HIP1: variants seen among roughly 807,000 people sequenced by gnomAD.
The protein encoded by HIP1 is huntingtin interacting protein 1, also known as huntingtin-interacting protein 1.
In HIP1, 65 loss-of-function variants were observed where a neutral mutation model predicts 147.6. The ratio of observed to expected loss-of-function variants is 0.44; its 90% CI spans 0.36 to 0.54. The LOEUF is 0.54. HIP1 is among the 20% of genes least tolerant of loss of function. HIP1 has a pLI of 0.00. For synonymous variants in HIP1, 479 were observed against 504.0 expected (o/e 0.95, Z 0.67); for missense variants, 1,061 against 1,299.6 (o/e 0.82, Z 2.82).
chr7:75,692,194 T>A (rs1800479878), intron 1 of HIP1, among the ~76,000 whole-genome samples: 1 of 152,126 alleles, frequency 6.6e-6, no homozygotes, highest in African/African-American at 2.4e-5. Flanking sequence ...CTCTTTTCCC[T>A]TCTGGCCAGT....
At chr7:75,595,251 T>TTCCTTCCTTCCTTCCTTCCTTCCTTC (rs1796675604) in intron 2 of HIP1, among the ~76,000 whole-genome samples, 2 of 59,528 alleles carry the variant, frequency 3.4e-5, no homozygotes, top group Non-Finnish European at 3.1e-5. Flanking sequence ...TTTCTTTCTT[T>TTCCTTCCTTCCTTCCTTCCTTCCTTC]CTTCCTTCCT....
At chr7:75,601,048 G>A (rs1474302011) in intron 1 of HIP1, among the ~76,000 whole-genome samples, 4 of 151,956 alleles carry the variant, frequency 2.6e-5, no homozygotes, top group Non-Finnish European at 5.9e-5. Flanking sequence ...ATGAGCCACT[G>A]TCCCCAGCCA....
In HIP1 at chr7:75,664,048, GTGTATATACA is replaced by G. The variant is rs1799437173; in HGVS notation, c.121-64811_121-64802del. Among the ~76,000 whole-genome samples, 2 of 24,046 alleles carry G rather than the reference GTGTATATACA, an allele frequency of 8.3e-5. 1 individual carries two copies. Among genetic ancestry groups the G allele is most frequent in the African/African-American group, 8.3e-4 (2 of 2,402 alleles). 15.8% of individuals were successfully genotyped at this position (24,046 alleles called of 152,430 possible). On this transcript the variant is annotated intron_variant, in intron 1 of 30. Transcript: ENST00000336926. ...TATGTGTATATATATACACATATAT[GTGTATATACA>G]CATATATGTGTATATACACACACAT...
At chr7:75,581,341 G>A (rs587734056) in intron 6 of HIP1, 43 bp from the exon 7 acceptor site, 1 of 1,521,120 alleles carries the variant, frequency 6.6e-7, no homozygotes, top group Non-Finnish European at 9.1e-7. Context: ...ACAGCCTGAG[G>A]CCGGTCTGTT....
Position 75,547,786 on chromosome 7 carries a change from C to T in HIP1, c.2434G>A (p.Asp812Asn). 1.2e-6 allele frequency: 2 copies of T among 1,613,982 alleles called. No individual in the cohort carries two copies. The highest frequency in any genetic ancestry group is 1.7e-6 in the Non-Finnish European group (2 of 1,179,936). The change falls in exon 24 of 31, where the codon GAC (aspartate) becomes AAC (asparagine). Residue 812 changes from aspartate to asparagine, a missense_variant. This residue lies in a region of HIP1 where 810 missense variants were observed against 946.8 expected (regional missense o/e 0.86). Coordinates refer to ENST00000336926, the MANE Select transcript of HIP1 (RefSeq NM_005338.7). ...EEMLSKSRAG[D>N]TGVKLEVNER... ...TTCACCTCCAATTTGACTCCTGTGT[C>T]TCCTGCTCGGGATTTGCTGAGCATC...
At chr7:75,664,599 GAGAGAGA>G (rs1799500227) in intron 1 of HIP1, among the ~76,000 whole-genome samples, 1 of 130,932 alleles carries the variant, frequency 7.6e-6, no homozygotes, top group Non-Finnish European at 1.6e-5. Context: ...TGTATAGGGA[GAGAGAGA>G]GAGAGAGAGA....
chr7:75,557,656 T>A lies in HIP1; in HGVS notation c.1579A>T (p.Lys527Ter). Residue 527 changes from lysine to a stop codon, truncating the protein, a stop_gained and splice_region_variant, in exon 16 of 31, where the codon AAG (lysine) becomes TAG (stop). Transcript: ENST00000336926. LOFTEE classifies it high-confidence loss of function. ...CGAGTGCTCCTCGTCCCACTCACCT[T>A]CCGCTGGCCCTGGTCACTGATGCGC... ...LERISDQGQR[K>*]TQEQLEVLES... is the part of the protein sequence containing the mutation. 6.2e-7 allele frequency: 1 copy of A among 1,610,934 alleles called. No homozygotes were observed. Among genetic ancestry groups the A allele is most frequent in the Non-Finnish European group, 8.5e-7 (1 of 1,177,242 alleles).
chr7:75,675,595 C>T (rs190572447), intron 1 of HIP1, among the ~76,000 whole-genome samples: 2 of 152,016 alleles, frequency 1.3e-5, no homozygotes, highest in East Asian at 1.9e-4. Context: ...AATTCATCAT[C>T]TCCCTCTCTC....
intron 1 of HIP1, among the ~76,000 whole-genome samples, chr7:75,624,700 A>G (rs938524790): frequency 6.6e-6 from 1 of 152,170 alleles, no homozygotes; most frequent in African/African-American, 2.4e-5. Context: ...TTGCCTTTCC[A>G]GTCTTAGAAT....
intron 1 of HIP1, among the ~76,000 whole-genome samples, chr7:75,631,595 C>A (rs587674527): frequency 7.2e-4 from 109 of 152,252 alleles, no homozygotes; most frequent in Middle Eastern, 3.4e-3. Flanking sequence ...TACCTGCCCA[C>A]AGGAACCTCC....
At chr7:75,690,847 G>A (rs1449268434) in intron 1 of HIP1, among the ~76,000 whole-genome samples, 1 of 151,878 alleles carries the variant, frequency 6.6e-6, no homozygotes, top group African/African-American at 2.4e-5. Context: ...TGGGCGACAA[G>A]AGTGAAACTC....
chr7:75,671,177 TCCC>T (rs1369835882), intron 1 of HIP1, among the ~76,000 whole-genome samples: 3 of 152,112 alleles, frequency 2.0e-5, no homozygotes, highest in Non-Finnish European at 4.4e-5. Context: ...CACTGCAACC[TCCC>T]CCTCCCGGGT....
chr7:75,602,012 TTC>T (rs1474352641), intron 1 of HIP1, among the ~76,000 whole-genome samples: 1 of 151,926 alleles, frequency 6.6e-6, no homozygotes, highest in East Asian at 1.9e-4. Context: ...TTTTTTTTTT[TTC>T]TGTTTAGACA....
intron 27 of HIP1, among the ~76,000 whole-genome samples, chr7:75,543,681 C>T (rs1241072509): frequency 2.6e-5 from 4 of 152,184 alleles, no homozygotes; most frequent in Non-Finnish European, 5.9e-5. Context: ...TAGAATCTCA[C>T]AGCCAAGCCA....
In HIP1 at chr7:75,536,891, T is replaced by C. The variant is rs1794101955; in HGVS notation, c.*1281A>G. On this transcript the variant is annotated 3_prime_UTR_variant, in exon 31 of 31. Transcript: ENST00000336926. Reference sequence around the variant, plus strand: ...GCTGTTGCTGCTTAAGGGAGGTTAGTAATAAATACTAAGGGTAGCAAACCA... The same window carrying C: ...GCTGTTGCTGCTTAAGGGAGGTTAGCAATAAATACTAAGGGTAGCAAACCA... The C allele has an allele frequency of 4.3e-6, 1 of 230,676 alleles. No homozygotes were observed. The highest frequency in any genetic ancestry group is 8.6e-6 in the Non-Finnish European group (1 of 116,526). 14.3% of individuals were successfully genotyped at this position (230,676 alleles called of 1,614,324 possible). A position where few individuals can be genotyped will look rare whatever the true frequency, so the allele number is the denominator to read the frequency against.
At chr7:75,648,998 T>A (rs987695116) in intron 1 of HIP1, among the ~76,000 whole-genome samples, 2 of 151,928 alleles carry the variant, frequency 1.3e-5, no homozygotes, top group Admixed American at 1.3e-4. Context: ...TTCTTAGAGA[T>A]GGGGTCTCAC....
At chr7:75,610,105 G>C (rs587677049) in intron 1 of HIP1, among the ~76,000 whole-genome samples, 1 of 151,224 alleles carries the variant, frequency 6.6e-6, no homozygotes, top group Non-Finnish European at 1.5e-5. Context: ...GTTTCGCCAT[G>C]TTGGCCAGGC....
At chr7:75,569,117 C>A in intron 8 of HIP1, among the ~76,000 whole-genome samples, 1 of 152,186 alleles carries the variant, frequency 6.6e-6, no homozygotes, top group Non-Finnish European at 1.5e-5. Flanking sequence ...AGCCTCCTCC[C>A]CTACAGAGCC....
chr7:75,539,642 C>T (rs1334582749), intron 29 of HIP1, among the ~76,000 whole-genome samples: 1 of 152,098 alleles, frequency 6.6e-6, no homozygotes, highest in African/African-American at 2.4e-5. Flanking sequence ...ATTTTGATTA[C>T]TCCCTTTCTG....
Sources: gnomAD v4.1 joint callset for allele counts (sites outside exome capture counted in the v4.1 genomes callset) on GRCh38, gnomAD v4.1.1 for gene constraint, gnomAD v4.1.1 regional missense constraint, MANE v1.5 for transcripts, NCBI Gene and HGNC (gene_info 2026-07-23, HGNC 2026-07-21) for gene names.